The following GPRC5D variants were observed in gnomAD, a reference collection of about 807,000 sequenced individuals.
GPRC5D encodes the protein G protein-coupled receptor class C group 5 member D.
A neutral mutation model predicts 29.3 loss-of-function variants in GPRC5D; 20 were observed. The observed-to-expected ratio is 0.68, with a 90% CI of 0.48 to 0.99. GPRC5D has a LOEUF of 0.99. Ranked by LOEUF, GPRC5D falls within the 50% of genes least tolerant of loss-of-function variation. GPRC5D has a pLI of 0.00. For synonymous variants in GPRC5D, 178 were observed against 171.3 expected (o/e 1.04, Z -0.30); for missense variants, 384 against 423.6 (o/e 0.91, Z 0.82).
At chr12:12,942,433 C>T in intron 1 of GPRC5D, 105 bp from the exon 3 acceptor site, 4 of 753,000 alleles carry the variant, frequency 5.3e-6, no homozygotes, top group South Asian at 1.6e-5. Context: ...AGGCTCTTCA[C>T]TCTTTAAAAG....
chr12:12,941,758 A>T (rs760167936), intron 2 of GPRC5D, among the ~76,000 whole-genome samples: 38 of 152,210 alleles, frequency 2.5e-4, no homozygotes, highest in Non-Finnish European at 5.0e-4. Flanking sequence ...AAATTTGTTC[A>T]TCCATCTGGG....
At position 12,942,265 on chromosome 12, in the gene GPRC5D, G is replaced by A. The variant is rs202085045; in HGVS notation, c.959C>T (p.Pro320Leu). 4.2e-5 allele frequency: 67 copies of A among 1,600,934 alleles called. No homozygotes were observed. In the East Asian group the frequency reaches 6.9e-4, roughly 17 times the overall value. The change falls in exon 2 of 3, where the codon CCG (proline) becomes CTG (leucine). Residue 320 changes from proline to leucine, a missense_variant. By Grantham distance (98) the Pro-to-Leu change is moderately conservative (BLOSUM62 -3). Transcript: ENST00000228887. Reference sequence around the variant, plus strand: ...AATATAGGCGAGTACATTTACCTGCGGCTGAATGGGAGTACCATATGAAGT... The same window carrying A: ...AATATAGGCGAGTACATTTACCTGCAGCTGAATGGGAGTACCATATGAAGT...
At chr12:12,949,704 G>C in exon 1 of GPRC5D, 3 of 1,607,232 alleles carry the variant, frequency 1.9e-6, no homozygotes, top group Non-Finnish European at 2.5e-6. Flanking sequence ...ACTGCGGGTT[G>C]CCTCTCAGGA....
At chr12:12,948,105 C>T (rs1423059689) in intron 1 of GPRC5D, 1 of 152,128 alleles carries the variant, frequency 6.6e-6, no homozygotes, top group Non-Finnish European at 1.5e-5. Flanking sequence ...GAATATTGAT[C>T]ATTACAAAGC....
At position 12,949,634 on chromosome 12, in the gene GPRC5D, A is replaced by G. The variant is rs1186739760; in HGVS notation, c.751T>C (p.Trp251Arg). The change falls in exon 1 of 3, where the codon TGG becomes CGG. Residue 251 changes from tryptophan (W) to arginine (R), a missense_variant. Coordinates refer to ENST00000228887, the Ensembl canonical transcript of GPRC5D. ...ACGATGTACAGCAGCAGGAAAACCCATGCGTTGGTGACCAGAGCAATGCAG... is the reference window on the plus strand; with the variant it reads ...ACGATGTACAGCAGCAGGAAAACCCGTGCGTTGGTGACCAGAGCAATGCAG... 1 of 1,614,176 alleles carries G rather than the reference A, an allele frequency of 6.2e-7. No homozygotes were observed. Among genetic ancestry groups the G allele is most frequent in the East Asian group, 2.2e-5 (1 of 44,876 alleles).
At chr12:12,948,721 G>C (rs1863415276) in intron 1 of GPRC5D, 1 of 152,126 alleles carries the variant, frequency 6.6e-6, no homozygotes, top group Non-Finnish European at 1.5e-5. Context: ...AGGTTGTTGG[G>C]GTCCAAGCAT....
At chr12:12,947,886 A>AT (rs1357340480) in intron 1 of GPRC5D, among the ~76,000 whole-genome samples, 1 of 151,946 alleles carries the variant, frequency 6.6e-6, no homozygotes, top group African/African-American at 2.4e-5. Flanking sequence ...AACACTATTG[A>AT]TTTTTTTTCC....
chr12:12,942,392 G>A, intron 1 of GPRC5D, 64 bp from the exon 3 acceptor site: 4 of 998,876 alleles, frequency 4.0e-6, no homozygotes, highest in Non-Finnish European at 6.4e-6. Flanking sequence ...CAGCACATGA[G>A]GACTACAGGA....
chr12:12,944,634 A>G (rs969648783), intron 1 of GPRC5D, among the ~76,000 whole-genome samples: 9 of 152,062 alleles, frequency 5.9e-5, no homozygotes, highest in African/African-American at 2.2e-4. Context: ...TTTTTACATT[A>G]TATAGACTCA....
chr12:12,950,292 T>C (rs1426176709), exon 1 of GPRC5D: 1 of 1,613,336 alleles, frequency 6.2e-7, no homozygotes, highest in African/African-American at 1.3e-5. Flanking sequence ...CGATGCCAAG[T>C]ATGGCCAGGG....
chr12:12,947,621 G>A (rs1167120998), intron 1 of GPRC5D, among the ~76,000 whole-genome samples: 1 of 145,560 alleles, frequency 6.9e-6, no homozygotes, highest in Admixed American at 6.8e-5. Context: ...CTGGAGTGCA[G>A]TGGTGTAACC....
intron 2 of GPRC5D, among the ~76,000 whole-genome samples, chr12:12,941,816 G>T (rs1863154472): frequency 6.6e-6 from 1 of 152,160 alleles, no homozygotes; most frequent in Admixed American, 6.5e-5. Context: ...GGGCAGCCTG[G>T]GCTGCTGGAG....
upstream of GPRC5D, chr12:12,950,439 A>G: frequency 1.6e-6 from 2 of 1,227,220 alleles, no homozygotes; most frequent in Non-Finnish European, 2.3e-6. Context: ...CCTGCAGAAA[A>G]AGGATGAGAC....
At chr12:12,947,885 GA>G (rs1863394731) in intron 1 of GPRC5D, among the ~76,000 whole-genome samples, 1 of 152,152 alleles carries the variant, frequency 6.6e-6, no homozygotes. Flanking sequence ...CAACACTATT[GA>G]TTTTTTTTCC....
At chr12:12,941,409 A>G (rs1863143197) in intron 2 of GPRC5D, among the ~76,000 whole-genome samples, 1 of 152,174 alleles carries the variant, frequency 6.6e-6, no homozygotes, top group Admixed American at 6.5e-5. Context: ...GACAATAAAG[A>G]TGTTTTCATT....
At chr12:12,943,820 A>G (rs947142881) in intron 1 of GPRC5D, among the ~76,000 whole-genome samples, 1 of 152,166 alleles carries the variant, frequency 6.6e-6, no homozygotes, top group African/African-American at 2.4e-5. Context: ...AGAAAAGCCT[A>G]ATTCTTCCAG....
intron 1 of GPRC5D, 97 bp from the exon 3 acceptor site, chr12:12,942,425 G>T: frequency 1.3e-6 from 1 of 776,598 alleles, no homozygotes; most frequent in Non-Finnish European, 2.3e-6. Context: ...TTGCAAACAG[G>T]CTCTTCACTC....
At chr12:12,950,623 A>G (rs1565481278), upstream of GPRC5D, among the ~76,000 whole-genome samples, 3 of 152,150 alleles carry the variant, frequency 2.0e-5, no homozygotes, top group South Asian at 2.1e-4. Flanking sequence ...CCTAGCCAAC[A>G]TGGTGAAACC....
intron 1 of GPRC5D, among the ~76,000 whole-genome samples, chr12:12,946,303 CCT>C (rs1863325585): frequency 2.8e-5 from 1 of 35,812 alleles, no homozygotes; most frequent in South Asian, 1.1e-3. Flanking sequence ...TTCCTTCCTT[CCT>C]TCCTTTTCTT....
Sources: allele counts gnomAD v4.1 joint callset (sites outside exome capture counted in the v4.1 genomes callset), GRCh38; gene constraint gnomAD v4.1.1; transcripts MANE v1.5; gene names NCBI Gene and HGNC (gene_info 2026-07-23, HGNC 2026-07-21).